The following SLC5A1 variants were observed in gnomAD, a reference collection of about 807,000 sequenced individuals.
The protein encoded by SLC5A1 is sodium/glucose cotransporter 1.
SLC5A1 carries 42 observed loss-of-function variants against 73.5 expected under a neutral mutation model. The ratio of observed to expected loss-of-function variants is 0.57; its 90% CI spans 0.45 to 0.74. The LOEUF is 0.74. SLC5A1 is among the 30% of genes least tolerant of loss of function. The pLI is 0.00. For synonymous variants in SLC5A1, 300 were observed against 317.4 expected, an observed-to-expected ratio of 0.95 and a Z score of 0.58; for missense variants, 634 against 855.4, an observed-to-expected ratio of 0.74 and a Z score of 3.23.
intron 11 of SLC5A1, among the ~76,000 whole-genome samples, chr22:32,092,202 G>C (rs2094019093): frequency 6.6e-6 from 1 of 152,134 alleles, no homozygotes; most frequent in African/African-American, 2.4e-5. Flanking sequence ...ATGATGTTTG[G>C]TTTTCCATTC....
rs749679104 is a variant in SLC5A1, at chr22:32,101,982, G to T, written c.1450-40G>T. On this transcript the variant is annotated intron_variant, in intron 12 of 14. Transcript: ENST00000266088. The stretch of plus-strand genomic sequence containing the variant: ...GAATGTTAGAAAGGCCATCTGTTTT[G>T]TGTGTTCAGCATGAGTTAACCCAGG... 2.7e-6 allele frequency: 4 copies of T among 1,470,096 alleles called. 1 individual carries two copies. In the South Asian group the frequency reaches 4.5e-5, roughly 17 times the overall value. The allele number at this position is 1,470,096 out of a possible 1,614,324, so 91.1% of individuals were successfully genotyped here.
chr22:32,081,405 G>T (rs1462230665), intron 5 of SLC5A1, among the ~76,000 whole-genome samples: 1 of 152,158 alleles, frequency 6.6e-6, no homozygotes, highest in Non-Finnish European at 1.5e-5. Context: ...GCTCCTGGGT[G>T]GGGGTGGGGT....
At chr22:32,102,691 C>T (rs1292066948) in intron 13 of SLC5A1, among the ~76,000 whole-genome samples, 1 of 152,068 alleles carries the variant, frequency 6.6e-6, no homozygotes, top group African/African-American at 2.4e-5. Context: ...ATTTTTGTAC[C>T]CATTAACCAT....
chr22:32,044,166 G>A (rs2093933996), intron 1 of SLC5A1, among the ~76,000 whole-genome samples: 1 of 152,078 alleles, frequency 6.6e-6, no homozygotes, highest in African/African-American at 2.4e-5. Context: ...ACAACTAGAG[G>A]AGGAGATGTT....
intron 2 of SLC5A1, among the ~76,000 whole-genome samples, chr22:32,056,824 G>T (rs879538352): frequency 1.3e-5 from 2 of 152,186 alleles, no homozygotes; most frequent in Non-Finnish European, 2.9e-5. Flanking sequence ...TGATGACCTT[G>T]TTTCCTCAAG....
chr22:32,099,405 T>C (rs1478404961), intron 12 of SLC5A1, 54 bp downstream of exon 12: 1 of 1,505,474 alleles, frequency 6.6e-7, no homozygotes, highest in Non-Finnish European at 9.2e-7. Flanking sequence ...GAAGTTTCCA[T>C]GTGGGTTTGC....
intron 14 of SLC5A1, among the ~76,000 whole-genome samples, chr22:32,105,164 G>A (rs995276306): frequency 6.6e-6 from 1 of 152,146 alleles, no homozygotes; most frequent in Non-Finnish European, 1.5e-5. Context: ...ACATTTATGA[G>A]GTACGTGAGA....
In SLC5A1 at chr22:32,067,362, T is replaced by A. The variant is rs567590032; in HGVS notation, c.312+323T>A. 3.1e-3 allele frequency among the ~76,000 whole-genome samples: 454 copies of A among 147,518 alleles called. 4 individuals are homozygous for A. Among genetic ancestry groups the A allele is most frequent in the Middle Eastern group, 0.024 (7 of 292 alleles). On this transcript the variant is annotated intron_variant, in intron 3 of 14. Coordinates refer to ENST00000266088, the MANE Select transcript of SLC5A1 (RefSeq NM_000343.4). ...CCATTATTATTATTATTATTTTTTTTAAAAAAATTTTTATTATTTTATTTT... is the reference window on the plus strand; with the variant it reads ...CCATTATTATTATTATTATTTTTTTAAAAAAAATTTTTATTATTTTATTTT...
In SLC5A1 at chr22:32,049,179, AT is replaced by A. The variant is rs1182101182; in HGVS notation, c.136-763del. 5.0e-3 allele frequency among the ~76,000 whole-genome samples: 91 copies of A among 18,084 alleles called. 1 individual carries two copies. The highest frequency in any genetic ancestry group is 8.6e-3 in the African/African-American group (84 of 9,728). The allele number at this position is 18,084 out of a possible 152,430, so 11.9% of individuals were successfully genotyped here. ...TTATATATAATCTATATCTATATCT[AT>A]ATCTATATCTATATCTATATCTATA... On this transcript the variant is annotated intron_variant, in intron 1 of 14. Transcript: ENST00000266088.
chr22:32,062,655 C>T (rs889157637), intron 2 of SLC5A1, among the ~76,000 whole-genome samples: 6 of 152,216 alleles, frequency 3.9e-5, no homozygotes, highest in African/African-American at 1.2e-4. Flanking sequence ...TAGAGAAGGA[C>T]GTGATGATTG....
chr22:32,089,468 T>C (rs1169488544), intron 10 of SLC5A1, among the ~76,000 whole-genome samples: 5 of 152,138 alleles, frequency 3.3e-5, no homozygotes, highest in Non-Finnish European at 5.9e-5. Flanking sequence ...AGCTGAAGTT[T>C]AATAGAGGTA....
intron 2 of SLC5A1, among the ~76,000 whole-genome samples, chr22:32,055,120 TG>T (rs1483580950): frequency 6.6e-6 from 1 of 152,220 alleles, no homozygotes; most frequent in Non-Finnish European, 1.5e-5. Context: ...ACCTGCCTTT[TG>T]TGCCAAAAAC....
chr22:32,072,672 T>A (rs559688316), intron 5 of SLC5A1, among the ~76,000 whole-genome samples: 1 of 152,344 alleles, frequency 6.6e-6, no homozygotes, highest in South Asian at 2.1e-4. Flanking sequence ...CTGGCCCATA[T>A]CAAGATTTTC....
intron 12 of SLC5A1, among the ~76,000 whole-genome samples, chr22:32,101,546 T>A (rs1161885632): frequency 6.6e-6 from 1 of 152,246 alleles, no homozygotes; most frequent in African/African-American, 2.4e-5. Context: ...TTCTCCTTCA[T>A]CTTCCAAAGA....
At chr22:32,047,223 TGAG>T (rs1277020901) in intron 1 of SLC5A1, among the ~76,000 whole-genome samples, 2 of 152,202 alleles carry the variant, frequency 1.3e-5, no homozygotes, top group East Asian at 3.9e-4. Flanking sequence ...CTTGCATAGA[TGAG>T]GAGATGAAAA....
At position 32,070,418 on chromosome 22, in the gene SLC5A1, T is replaced by C. The variant is rs183423153; in HGVS notation, c.477+1818T>C. ...CATGATCATAGCTCAGTGCAGCCTCTACCTCCTGGGCTCAAGCGATCCTTC... is the reference window on the plus strand; with the variant it reads ...CATGATCATAGCTCAGTGCAGCCTCCACCTCCTGGGCTCAAGCGATCCTTC... On this transcript the variant is annotated intron_variant, in intron 5 of 14. Coordinates refer to ENST00000266088, the MANE Select transcript of SLC5A1 (RefSeq NM_000343.4). 3.7e-3 allele frequency among the ~76,000 whole-genome samples: 557 copies of C among 151,380 alleles called. 3 individuals are homozygous for C. Among genetic ancestry groups the C allele is most frequent in the African/African-American group, 0.013 (530 of 41,206 alleles).
rs2094031809 is a variant in SLC5A1, at chr22:32,099,106, ATATATATATATAT to A, written c.1281-76_1281-64del. On this transcript the variant is annotated intron_variant, in intron 11 of 14. Coordinates refer to ENST00000266088, the MANE Select transcript of SLC5A1 (RefSeq NM_000343.4). ...TCTCAAAAAAAAAAAAAAAAAAAAA[ATATATATATATAT>A]ATATATATATATACTCATGTAGAGC... is the stretch of plus-strand genomic sequence containing the variant. 4.2e-5 allele frequency: 3 copies of A among 71,396 alleles called. No individual in the cohort carries two copies. The South Asian group carries it at 1.1e-3, about 26-fold the overall frequency. 4.4% of individuals were successfully genotyped at this position (71,396 alleles called of 1,614,324 possible).
rs202145392 is a variant in SLC5A1, at chr22:32,099,262, G to A, written c.1360G>A (p.Asp454Asn). ...GTCAGCACAAAGTGGGCAACTCTTC[G>A]ATTACATCCAGTCCATCACCAGTTA... The part of the protein sequence containing the change: ...VQSAQSGQLF[D>N]YIQSITSYLG... The change falls in exon 12 of 15, where the codon GAT becomes AAT. Residue 454 changes from aspartate to asparagine, a missense_variant. Asp to Asn is a conservative substitution (Grantham distance 23). Transcript: ENST00000266088. 1.9e-5 allele frequency: 30 copies of A among 1,613,506 alleles called. No individual in the cohort carries two copies. The highest frequency in any genetic ancestry group is 2.7e-5 in the African/African-American group (2 of 74,826).
chr22:32,099,623 C>T (rs1449007451), intron 12 of SLC5A1, among the ~76,000 whole-genome samples: 1 of 152,038 alleles, frequency 6.6e-6, no homozygotes, highest in African/African-American at 2.4e-5. Context: ...GGTGAGGACT[C>T]ACTATGTTGC....
Sources: gnomAD v4.1 joint callset for allele counts (sites outside exome capture counted in the v4.1 genomes callset) on GRCh38, gnomAD v4.1.1 for gene constraint, MANE v1.5 for transcripts, NCBI Gene and HGNC (gene_info 2026-07-23, HGNC 2026-07-21) for gene names.